NKAIN2: variants seen among roughly 807,000 people sequenced by gnomAD.
The protein encoded by NKAIN2 is sodium/potassium-transporting ATPase subunit beta-1-interacting protein 2.
A neutral mutation model predicts 32.6 loss-of-function variants in NKAIN2; 14 were observed. That is an observed-to-expected ratio of 0.43 (90% CI 0.28 to 0.67). NKAIN2 has a LOEUF of 0.67. Ranked by LOEUF, NKAIN2 falls within the 30% of genes least tolerant of loss-of-function variation. NKAIN2 has a pLI of 0.17. For missense variants in NKAIN2, 198 were observed against 258.3 expected (o/e 0.77, Z 1.60); for synonymous variants, 80 against 87.2 (o/e 0.92, Z 0.46).
rs1277509309 is a variant in NKAIN2 at position 124,326,908 on chromosome 6, C to T, written c.193-28359C>T. Among the ~76,000 whole-genome samples, 4 of 152,194 alleles carry T rather than the reference C, an allele frequency of 2.6e-5. No homozygotes were observed. The South Asian group carries it at 8.3e-4, about 32-fold the overall frequency. Reference sequence around the variant, plus strand: ...CCCAGCTCCCCTTAGTGACCTTAGCCACTTAGTTTTTGTACCCATATATGA... The same window carrying T: ...CCCAGCTCCCCTTAGTGACCTTAGCTACTTAGTTTTTGTACCCATATATGA... On this transcript the variant is annotated intron_variant, in intron 2 of 6. Transcript: ENST00000368417.
intron 1 of NKAIN2, among the ~76,000 whole-genome samples, chr6:123,833,809 C>G (rs1385979960): frequency 6.7e-6 from 1 of 150,038 alleles, no homozygotes; most frequent in Non-Finnish European, 1.5e-5. Flanking sequence ...CTCACTGCAA[C>G]CTCCACTTCC....
rs145822155 is a variant in NKAIN2 at position 123,976,248 on chromosome 6, CAT to C, written c.54+172009_54+172010del. On this transcript the variant is annotated intron_variant, in intron 1 of 6. Coordinates refer to ENST00000368417, the MANE Select transcript of NKAIN2 (RefSeq NM_001040214.3). ...ACAAACGTCCAGACAATAGCAAGAA[CAT>C]ATATATATATATATGTTTCCATATA... is the stretch of plus-strand genomic sequence containing the variant. Among the ~76,000 whole-genome samples the C allele has an allele frequency of 4.0e-3, 403 of 100,990 alleles. 38 individuals are homozygous for C. The highest frequency in any genetic ancestry group is 0.013 in the African/African-American group (357 of 27,154). The allele number at this position is 100,990 out of a possible 152,430, so 66.3% of individuals were successfully genotyped here. A position where few individuals can be genotyped will look rare whatever the true frequency, so the allele number is the denominator to read the frequency against.
At chr6:124,308,108 A>G (rs1796579830) in intron 2 of NKAIN2, among the ~76,000 whole-genome samples, 1 of 152,080 alleles carries the variant, frequency 6.6e-6, no homozygotes, top group Non-Finnish European at 1.5e-5. Context: ...CCCCGCATGC[A>G]TTAGGTATTT....
chr6:124,064,075 C>T (rs562173199), intron 1 of NKAIN2, among the ~76,000 whole-genome samples: 2 of 151,848 alleles, frequency 1.3e-5, no homozygotes, highest in Admixed American at 6.6e-5. Context: ...CTCAGCCTCC[C>T]GAGTAGCTGG....
rs567305411 is a variant in NKAIN2 at position 124,002,523 on chromosome 6, T to C, written c.54+198269T>C. 1.1e-4 allele frequency among the ~76,000 whole-genome samples: 17 copies of C among 152,164 alleles called. No individual in the cohort carries two copies. In the East Asian group the frequency reaches 3.3e-3, roughly 30 times the overall value. On this transcript the variant is annotated intron_variant, in intron 1 of 6. Coordinates refer to ENST00000368417, the MANE Select transcript of NKAIN2 (RefSeq NM_001040214.3). Reference sequence around the variant, plus strand: ...ATTTCAAATGTCTCCTTGGGTATTATCCTGACCAGTAATCCACCCTGCATA... The same window carrying C: ...ATTTCAAATGTCTCCTTGGGTATTACCCTGACCAGTAATCCACCCTGCATA...
intron 5 of NKAIN2, among the ~76,000 whole-genome samples, chr6:124,793,244 A>G (rs374389663): frequency 6.6e-6 from 1 of 152,164 alleles, no homozygotes; most frequent in Admixed American, 6.5e-5. Flanking sequence ...TTGCGAAGAA[A>G]AATGGGAATA....
At chr6:124,571,655 C>T (rs1352280155) in intron 3 of NKAIN2, among the ~76,000 whole-genome samples, 1 of 152,126 alleles carries the variant, frequency 6.6e-6, no homozygotes, top group African/African-American at 2.4e-5. Context: ...CTTTTTCTTC[C>T]CAGTCTTGGG....
chr6:124,320,177 T>C (rs1797115895), intron 2 of NKAIN2, among the ~76,000 whole-genome samples: 1 of 152,138 alleles, frequency 6.6e-6, no homozygotes, highest in African/African-American at 2.4e-5. Context: ...TTGGATATAT[T>C]CCCATTTTGT....
At position 124,701,138 on chromosome 6, in the gene NKAIN2, TACACACACACACACGCACACAC is replaced by T. The variant is rs1180151143; in HGVS notation, c.474+42767_474+42788del. On this transcript the variant is annotated intron_variant, in intron 4 of 6. Transcript: ENST00000368417. ...TAGTTGATAAAACTAAGGAGAGAGA[TACACACACACACACGCACACAC>T]ACACACACACACACACACCGGATGA... Among the ~76,000 whole-genome samples the T allele has an allele frequency of 5.9e-5, 7 of 118,942 alleles. No individual in the cohort carries two copies. The East Asian group carries it at 1.7e-3, about 28-fold the overall frequency. The allele number at this position is 118,942 out of a possible 152,430, so 78.0% of individuals were successfully genotyped here.
intron 1 of NKAIN2, among the ~76,000 whole-genome samples, chr6:124,209,456 G>A (rs1177170908): frequency 6.6e-6 from 1 of 151,648 alleles, no homozygotes; most frequent in African/African-American, 2.4e-5. Flanking sequence ...CTTTCTTTGG[G>A]ATATATACTC....
chr6:124,457,602 T>G (rs536953515), intron 3 of NKAIN2, among the ~76,000 whole-genome samples: 17 of 151,972 alleles, frequency 1.1e-4, no homozygotes, highest in Admixed American at 2.0e-4. Flanking sequence ...TCTAATGTTC[T>G]GGGAACCGCA....
intron 1 of NKAIN2, among the ~76,000 whole-genome samples, chr6:124,218,058 C>T (rs764193962): frequency 3.5e-4 from 53 of 150,156 alleles, no homozygotes; most frequent in Non-Finnish European, 6.5e-4. Context: ...AGGAATTCGT[C>T]TAGTAAAAGG....
chr6:123,886,760 A>G (rs578048865), intron 1 of NKAIN2, among the ~76,000 whole-genome samples: 1 of 152,274 alleles, frequency 6.6e-6, no homozygotes, highest in East Asian at 1.9e-4. Context: ...TTCTTTCAGA[A>G]CAGTAAAACA....
At chr6:124,134,025 G>A (rs972613580) in intron 1 of NKAIN2, among the ~76,000 whole-genome samples, 6 of 151,414 alleles carry the variant, frequency 4.0e-5, no homozygotes, top group Non-Finnish European at 7.4e-5. Context: ...TGATCTAAAC[G>A]AAGAAGAAAT....
At chr6:124,463,962 T>C (rs1252542432) in intron 3 of NKAIN2, among the ~76,000 whole-genome samples, 2 of 152,030 alleles carry the variant, frequency 1.3e-5, no homozygotes, top group Non-Finnish European at 2.9e-5. Context: ...AGGAAATCAT[T>C]TGAATGGCAC....
chr6:124,298,831 T>A (rs6903285), intron 2 of NKAIN2, among the ~76,000 whole-genome samples: 20,588 of 151,980 alleles, frequency 0.14, 1,587 homozygotes, highest in East Asian at 0.24. Flanking sequence ...TGGTTTCATG[T>A]AAGGGCTGCT....
At chr6:124,263,868 C>A (rs1794364779) in intron 1 of NKAIN2, among the ~76,000 whole-genome samples, 1 of 152,218 alleles carries the variant, frequency 6.6e-6, no homozygotes, top group East Asian at 1.9e-4. Flanking sequence ...AATTTCAGAA[C>A]CATCTGTGCT....
intron 3 of NKAIN2, among the ~76,000 whole-genome samples, chr6:124,551,847 CAG>C (rs1275480678): frequency 1.3e-5 from 2 of 152,190 alleles, no homozygotes; most frequent in Admixed American, 6.5e-5. Context: ...TTTCACTGGT[CAG>C]AGTCATTACT....
At chr6:124,227,523 C>T (rs1792184548) in intron 1 of NKAIN2, among the ~76,000 whole-genome samples, 1 of 152,120 alleles carries the variant, frequency 6.6e-6, no homozygotes, top group Non-Finnish European at 1.5e-5. Context: ...TTCAAACACT[C>T]TTAAATTAAA....
Sources: gnomAD v4.1 joint callset for allele counts (sites outside exome capture counted in the v4.1 genomes callset) on GRCh38, gnomAD v4.1.1 for gene constraint, MANE v1.5 for transcripts, NCBI Gene and HGNC (gene_info 2026-07-23, HGNC 2026-07-21) for gene names.